ZSCAN22: variants seen among roughly 807,000 people sequenced by gnomAD.
ZSCAN22 encodes zinc finger and SCAN domain-containing protein 22.
ZSCAN22 carries 7 observed loss-of-function variants against 12.4 expected under a neutral mutation model. That is an observed-to-expected ratio of 0.57 (90% CI 0.32 to 1.06). ZSCAN22 has a LOEUF of 1.06. ZSCAN22 is among the 50% of genes least tolerant of loss of function. The pLI is 0.04. For missense variants in ZSCAN22, 576 were observed against 631.7 expected (o/e 0.91, Z 0.94); for synonymous variants, 243 against 255.9 (o/e 0.95, Z 0.48).
intron 1 of ZSCAN22, among the ~76,000 whole-genome samples, chr19:58,331,812 T>C (rs1048568123): frequency 6.6e-6 from 1 of 152,014 alleles, no homozygotes; most frequent in Non-Finnish European, 1.5e-5. Context: ...CCCAAAGTGT[T>C]GGGATTACAG....
intron 1 of ZSCAN22, among the ~76,000 whole-genome samples, chr19:58,331,253 G>T (rs1169289317): frequency 7.2e-6 from 1 of 138,416 alleles, no homozygotes; most frequent in African/African-American, 2.8e-5. Context: ...ATCTCACTCT[G>T]TCGGCCAGGC....
At position 58,335,027 on chromosome 19, in the gene ZSCAN22, TCAGTGGCTG is replaced by T. The variant is rs1480976050; in HGVS notation, c.229_237del (p.Trp77_Gln79del). The T allele has an allele frequency of 1.2e-6, 2 of 1,614,076 alleles. No homozygotes were observed. The highest frequency in any genetic ancestry group is 2.2e-5 in the South Asian group (2 of 91,088). On this transcript the variant is annotated inframe_deletion, in exon 2 of 3. Transcript: ENST00000329665. The surrounding 1 kb of genome is among the most constrained non-coding windows in gnomAD (Gnocchi z 4.1). ...TGGCCCACCTCCGAGCGCTGTGCTG[TCAGTGGCTG>T]CAGCCCGAGGCGCACTCCAAGGAGC... is the stretch of plus-strand genomic sequence containing the variant.
In ZSCAN22 at chr19:58,338,603, G is replaced by A; in HGVS notation, c.753G>A (p.Val251=). ...CTTCAGAAGACAAATTTGATCTGGTGGATGCTTATGGGACAGAGCCTCCAT... is the reference window on the plus strand; with the variant it reads ...CTTCAGAAGACAAATTTGATCTGGTAGATGCTTATGGGACAGAGCCTCCAT... ...KPPSEDKFDL[V]DAYGTEPPYT... Residue 251 remains valine, a synonymous_variant, in exon 3 of 3, where the codon GTG becomes GTA. Coordinates refer to ENST00000329665, the MANE Select transcript of ZSCAN22 (RefSeq NM_181846.3). The surrounding 1 kb of genome is among the most constrained non-coding windows in gnomAD (Gnocchi z 5.4). 6.2e-7 allele frequency: 1 copy of A among 1,614,240 alleles called. No homozygotes were observed. The highest frequency in any genetic ancestry group is 2.2e-5 in the East Asian group (1 of 44,878).
In ZSCAN22 at chr19:58,335,111, A is replaced by G. The variant is rs373911348; in HGVS notation, c.309A>G (p.Pro103=). Reference sequence around the variant, plus strand: ...AGCAGTTCCTGGGTGCGCTGCCCCCAGAGATCCAAGCCTGGGTGGGAGCCC... The same window carrying G: ...AGCAGTTCCTGGGTGCGCTGCCCCCGGAGATCCAAGCCTGGGTGGGAGCCC... ...VLEQFLGALP[P]EIQAWVGAQS... The change falls in exon 2 of 3, where the codon CCA becomes CCG. Residue 103 remains proline, a synonymous_variant. Transcript: ENST00000329665. This position sits in a 1 kb window ranked among gnomAD's most constrained non-coding sequence, Gnocchi z 4.1. The G allele has an allele frequency of 1.9e-6, 3 of 1,613,970 alleles. No individual in the cohort carries two copies. Among genetic ancestry groups the G allele is most frequent in the African/African-American group, 2.7e-5 (2 of 74,928 alleles).
intron 2 of ZSCAN22, among the ~76,000 whole-genome samples, chr19:58,337,981 G>A (rs897240806): frequency 6.6e-6 from 1 of 152,258 alleles, no homozygotes; most frequent in Admixed American, 6.5e-5. Context: ...TTCTCCTCTT[G>A]ACTCTTGAGC....
In ZSCAN22 at chr19:58,339,757, C is replaced by A; in HGVS notation, c.*431C>A. The A allele has an allele frequency of 6.1e-6, 1 of 163,156 alleles. No individual in the cohort carries two copies. 10.1% of individuals were successfully genotyped at this position (163,156 alleles called of 1,614,324 possible). ...TGCTTTTCTGCTGCTTAGCCCAGAACGGACACCTGCCATGCCCACCTCTGT... is the reference window on the plus strand; with the variant it reads ...TGCTTTTCTGCTGCTTAGCCCAGAAAGGACACCTGCCATGCCCACCTCTGT... On this transcript the variant is annotated 3_prime_UTR_variant, in exon 3 of 3. Coordinates refer to ENST00000329665, the MANE Select transcript of ZSCAN22 (RefSeq NM_181846.3). This position sits in a 1 kb window ranked among gnomAD's most constrained non-coding sequence, Gnocchi z 5.6.
At position 58,334,948 on chromosome 19, in the gene ZSCAN22, G is replaced by A. The variant is rs959371903; in HGVS notation, c.146G>A (p.Arg49His). The A allele has an allele frequency of 1.9e-5, 30 of 1,614,020 alleles. No homozygotes were observed. Among genetic ancestry groups the A allele is most frequent in the Non-Finnish European group, 2.4e-5 (28 of 1,180,052 alleles). Residue 49 changes from arginine to histidine, a missense_variant, in exon 2 of 3, where the codon CGC becomes CAC. Transcript: ENST00000329665. The part of the protein sequence containing the change: ...HDHIAHSEAA[R>H]LRFRHFRYEE... ...CACATTGCTCACTCTGAGGCTGCAC[G>A]CCTGCGCTTCCGGCACTTCCGCTAT...
In ZSCAN22 at chr19:58,335,697, A is replaced by T. The variant is rs757810873; in HGVS notation, c.403+492A>T. 1.3e-5 allele frequency among the ~76,000 whole-genome samples: 2 copies of T among 152,196 alleles called. No homozygotes were observed. The highest frequency in any genetic ancestry group is 1.3e-4 in the Admixed American group (2 of 15,276). On this transcript the variant is annotated intron_variant, in intron 2 of 2. Coordinates refer to ENST00000329665, the MANE Select transcript of ZSCAN22 (RefSeq NM_181846.3). This position sits in a 1 kb window ranked among gnomAD's most constrained non-coding sequence, Gnocchi z 4.1. ...GGCCAACCAAATCCCAGGGACTAACAGTGAGCAACTGGCTGTTTCTCAGAG... is the reference window on the plus strand; with the variant it reads ...GGCCAACCAAATCCCAGGGACTAACTGTGAGCAACTGGCTGTTTCTCAGAG...
chr19:58,328,449 C>G (rs1341745134), intron 1 of ZSCAN22, among the ~76,000 whole-genome samples: 1 of 152,112 alleles, frequency 6.6e-6, no homozygotes, highest in African/African-American at 2.4e-5. Flanking sequence ...GCTATGGTAT[C>G]CATACATCTA....
chr19:58,338,770 GGA>G lies in ZSCAN22; in HGVS notation c.922_923del (p.Ser308HisfsTer17). 2 of 1,613,790 alleles carry G rather than the reference GGA, an allele frequency of 1.2e-6. No homozygotes were observed. The highest frequency in any genetic ancestry group is 1.7e-6 in the Non-Finnish European group (2 of 1,179,934). On this transcript the variant is annotated frameshift_variant, in exon 3 of 3. Coordinates refer to ENST00000329665, the MANE Select transcript of ZSCAN22 (RefSeq NM_181846.3). LOFTEE classifies it low-confidence loss of function (END_TRUNC). This position sits in a 1 kb window ranked among gnomAD's most constrained non-coding sequence, Gnocchi z 5.4. ...AGCGAGTGTGGGAAAGCCTTCAGCC[GGA>G]GCACTCACCTCGCCCAGCACCAGGT...
At position 58,335,136 on chromosome 19, in the gene ZSCAN22, C is replaced by T; in HGVS notation, c.334C>T (p.Gln112Ter). The T allele has an allele frequency of 1.9e-6, 3 of 1,613,880 alleles. No homozygotes were observed. The highest frequency in any genetic ancestry group is 2.5e-6 in the Non-Finnish European group (3 of 1,179,882). Residue 112 changes from glutamine (Q) to a stop codon, truncating the protein, a stop_gained, in exon 2 of 3, where the codon CAG becomes TAG. Transcript: ENST00000329665. LOFTEE classifies it high-confidence loss of function. This position sits in a 1 kb window ranked among gnomAD's most constrained non-coding sequence, Gnocchi z 4.1. ...AGAGATCCAAGCCTGGGTGGGAGCC[C>T]AGAGTCCCAAGAGCGGAGAGGAAGC... ...PPEIQAWVGA[Q>*]SPKSGEEAAV... is the part of the protein sequence containing the mutation.
In ZSCAN22 at chr19:58,339,253, A is replaced by G. The variant is rs1416938389; in HGVS notation, c.1403A>G (p.Asp468Gly). Residue 468 changes from aspartate to glycine, a missense_variant, in exon 3 of 3, where the codon GAC becomes GGC. Coordinates refer to ENST00000329665, the MANE Select transcript of ZSCAN22 (RefSeq NM_181846.3). This position sits in a 1 kb window ranked among gnomAD's most constrained non-coding sequence, Gnocchi z 5.6. ...HTGEKPYKCS[D>G]CGKAFSRSSA... ...GGAGAGAAGCCTTATAAGTGCAGCG[A>G]CTGTGGGAAGGCCTTCAGTCGTAGC... is the stretch of plus-strand genomic sequence containing the variant. 6.2e-7 allele frequency: 1 copy of G among 1,614,156 alleles called. No individual in the cohort carries two copies. Among genetic ancestry groups the G allele is most frequent in the Non-Finnish European group, 8.5e-7 (1 of 1,180,014 alleles).
intron 1 of ZSCAN22, among the ~76,000 whole-genome samples, chr19:58,332,694 T>A (rs2051741980): frequency 1.3e-5 from 2 of 152,364 alleles, no homozygotes; most frequent in Admixed American, 1.3e-4. Flanking sequence ...TACAGCATTT[T>A]ATCCATTCAT....
At chr19:58,330,146 T>G (rs184834184) in intron 1 of ZSCAN22, among the ~76,000 whole-genome samples, 1 of 151,502 alleles carries the variant, frequency 6.6e-6, no homozygotes, top group African/African-American at 2.4e-5. Flanking sequence ...AAAAAATAGC[T>G]GGGTGTGGTG....
In ZSCAN22 at chr19:58,335,300, C is replaced by A. The variant is rs1196348881; in HGVS notation, c.403+95C>A. 1 of 1,374,160 alleles carries A rather than the reference C, an allele frequency of 7.3e-7. No homozygotes were observed. Among genetic ancestry groups the A allele is most frequent in the Non-Finnish European group, 9.7e-7 (1 of 1,034,976 alleles). 85.1% of individuals were successfully genotyped at this position (1,374,160 alleles called of 1,614,324 possible). A position where few individuals can be genotyped will look rare whatever the true frequency, so the allele number is the denominator to read the frequency against. On this transcript the variant is annotated intron_variant, in intron 2 of 2. Transcript: ENST00000329665. This position sits in a 1 kb window ranked among gnomAD's most constrained non-coding sequence, Gnocchi z 4.1. ...GGGCTCTGGTTTGGGGTTGCTCATGCACCCATTCTCACATTTGTACTTTAC... is the reference window on the plus strand; with the variant it reads ...GGGCTCTGGTTTGGGGTTGCTCATGAACCCATTCTCACATTTGTACTTTAC...
In ZSCAN22 at chr19:58,338,812, C is replaced by T. The variant is rs60710360; in HGVS notation, c.962C>T (p.Ala321Val). The T allele has an allele frequency of 1.5e-3, 2,397 of 1,613,638 alleles. 25 individuals carry two copies. The African/African-American group carries it at 0.027, about 18-fold the overall frequency. The change falls in exon 3 of 3, where the codon GCG (alanine) becomes GTG (valine). Residue 321 changes from alanine to valine, a missense_variant. By Grantham distance (64) the Ala-to-Val change is moderately conservative (BLOSUM62 0). Transcript: ENST00000329665. This position sits in a 1 kb window ranked among gnomAD's most constrained non-coding sequence, Gnocchi z 5.4. The stretch of plus-strand genomic sequence containing the variant: ...CAGCACCAGGTTGTCCACACAGGGG[C>T]GAAGCCCCATGAGTGTAAGGAATGT... ...LAQHQVVHTG[A>V]KPHECKECGK...
chr19:58,335,870 T>C lies in ZSCAN22; in HGVS notation c.403+665T>C, dbSNP rs73060216. ...CTGCCCCAGGCTCAGCTGGGCACTGTTACTCACAGAGACCCACACAAACAT... is the reference window on the plus strand; with the variant it reads ...CTGCCCCAGGCTCAGCTGGGCACTGCTACTCACAGAGACCCACACAAACAT... On this transcript the variant is annotated intron_variant, in intron 2 of 2. Transcript: ENST00000329665. The surrounding 1 kb of genome is among the most constrained non-coding windows in gnomAD (Gnocchi z 4.1). Among the ~76,000 whole-genome samples the C allele has an allele frequency of 0.032, 4,801 of 152,278 alleles. 95 individuals carry two copies. The highest frequency in any genetic ancestry group is 0.051 in the Non-Finnish European group (3,487 of 68,008).
chr19:58,338,811 G>GCGAA lies in ZSCAN22; in HGVS notation c.962_965dup (p.Lys322AsnfsTer5). Reference sequence around the variant, plus strand: ...CCAGCACCAGGTTGTCCACACAGGGGCGAAGCCCCATGAGTGTAAGGAATG... The same window carrying GCGAA: ...CCAGCACCAGGTTGTCCACACAGGGGCGAACGAAGCCCCATGAGTGTAAGGAATG... On this transcript the variant is annotated frameshift_variant, in exon 3 of 3. Coordinates refer to ENST00000329665, the MANE Select transcript of ZSCAN22 (RefSeq NM_181846.3). LOFTEE classifies it low-confidence loss of function (END_TRUNC). The surrounding 1 kb of genome is among the most constrained non-coding windows in gnomAD (Gnocchi z 5.4). 6.2e-7 allele frequency: 1 copy of GCGAA among 1,614,046 alleles called. No homozygotes were observed. The highest frequency in any genetic ancestry group is 8.5e-7 in the Non-Finnish European group (1 of 1,179,894).
intron 1 of ZSCAN22, among the ~76,000 whole-genome samples, chr19:58,333,673 G>T (rs1394913019): frequency 6.6e-6 from 1 of 152,098 alleles, no homozygotes; most frequent in Non-Finnish European, 1.5e-5. Context: ...GCAAAACCCC[G>T]TCTCCACTAA....
Sources: allele counts gnomAD v4.1 joint callset (sites outside exome capture counted in the v4.1 genomes callset), GRCh38; gene constraint gnomAD v4.1.1; non-coding constraint Gnocchi (gnomAD v3.1); transcripts MANE v1.5; gene names NCBI Gene and HGNC (gene_info 2026-07-23, HGNC 2026-07-21).